The following AFG1L variants were observed in gnomAD, a reference collection of about 807,000 sequenced individuals.
AFG1L encodes the protein AFG1 like ATPase.
AFG1L carries 53 observed loss-of-function variants against 62.2 expected under a neutral mutation model. The ratio of observed to expected loss-of-function variants is 0.85; its 90% CI spans 0.68 to 1.07. The LOEUF (loss-of-function observed/expected upper bound fraction) is 1.07, where lower values mean the gene tolerates loss of function less well. Ranked by LOEUF, AFG1L falls within the 50% of genes least tolerant of loss-of-function variation. The pLI is 0.00. For synonymous variants in AFG1L, 228 were observed against 210.3 expected, an observed-to-expected ratio of 1.08 and a Z score of -0.73; for missense variants, 555 against 590.5, an observed-to-expected ratio of 0.94 and a Z score of 0.62.
At chr6:108,515,795 A>G (rs1469734066) in intron 11 of AFG1L, among the ~76,000 whole-genome samples, 1 of 152,094 alleles carries the variant, frequency 6.6e-6, no homozygotes, top group African/African-American at 2.4e-5. Flanking sequence ...TCAAATAGAC[A>G]CAATAAAAAA....
In AFG1L at chr6:108,525,518, G is replaced by A. The variant is rs1390934435; in HGVS notation, c.*3093G>A. On this transcript the variant is annotated 3_prime_UTR_variant, in exon 13 of 13. Coordinates refer to ENST00000368977, the MANE Select transcript of AFG1L (RefSeq NM_145315.5). ...TAATTTTAAAATTAGTTGGAATATT[G>A]AAAAAAATTAAAATTTCACTTGTAA... 2 of 151,968 alleles carry A rather than the reference G, an allele frequency of 1.3e-5. No individual in the cohort carries two copies. The highest frequency in any genetic ancestry group is 4.8e-5 in the African/African-American group (2 of 41,340). 9.4% of individuals were successfully genotyped at this position (151,968 alleles called of 1,614,324 possible). A position where few individuals can be genotyped will look rare whatever the true frequency, so the allele number is the denominator to read the frequency against.
At chr6:108,421,195 A>G (rs1041300787) in intron 7 of AFG1L, among the ~76,000 whole-genome samples, 1 of 152,196 alleles carries the variant, frequency 6.6e-6, no homozygotes, top group African/African-American at 2.4e-5. Context: ...GATTCCAACC[A>G]TGAAGAGATG....
chr6:108,360,180 A>C (rs1242064077), intron 5 of AFG1L, among the ~76,000 whole-genome samples: 1 of 152,170 alleles, frequency 6.6e-6, no homozygotes, highest in Non-Finnish European at 1.5e-5. Flanking sequence ...TCTGTTATAT[A>C]AGGTAGTGTC....
At position 108,415,877 on chromosome 6, in the gene AFG1L, A is replaced by G. The variant is rs192672412; in HGVS notation, c.807+13823A>G. ...AGGCATGGGCAAGGACTTCACGTCT[A>G]AAACACCAAAAGCAATGGCAACAGA... On this transcript the variant is annotated intron_variant, in intron 7 of 12. Transcript: ENST00000368977. Among the ~76,000 whole-genome samples, 980 of 152,356 alleles carry G rather than the reference A, an allele frequency of 6.4e-3. 10 individuals carry two copies. The highest frequency in any genetic ancestry group is 0.022 in the African/African-American group (935 of 41,584).
chr6:108,381,995 C>CTT (rs1227478281), intron 6 of AFG1L, among the ~76,000 whole-genome samples: 3,800 of 137,746 alleles, frequency 0.028, 158 homozygotes, highest in African/African-American at 0.095. Flanking sequence ...TTTTTATTCA[C>CTT]TGTTTTTTTT....
At chr6:108,472,857 C>T (rs933952396) in intron 8 of AFG1L, among the ~76,000 whole-genome samples, 2 of 149,798 alleles carry the variant, frequency 1.3e-5, no homozygotes, top group African/African-American at 4.9e-5. Flanking sequence ...AGGCTGGAGT[C>T]CAGTGGCATG....
intron 6 of AFG1L, among the ~76,000 whole-genome samples, chr6:108,395,186 G>A (rs962547041): frequency 6.6e-6 from 1 of 152,002 alleles, no homozygotes; most frequent in African/African-American, 2.4e-5. Flanking sequence ...ATGTTGTGAT[G>A]AATCTTTTCT....
intron 10 of AFG1L, among the ~76,000 whole-genome samples, chr6:108,509,898 C>T (rs1774573780): frequency 6.6e-6 from 1 of 152,214 alleles, no homozygotes; most frequent in Non-Finnish European, 1.5e-5. Flanking sequence ...TTTAGTGTCT[C>T]ATCTTTTGTA....
intron 7 of AFG1L, among the ~76,000 whole-genome samples, chr6:108,405,528 G>A (rs961656709): frequency 7.9e-5 from 12 of 151,980 alleles, no homozygotes; most frequent in African/African-American, 2.9e-4. Context: ...TGTATTTTTT[G>A]TAGAGACAGG....
chr6:108,386,331 C>T (rs992525953), intron 6 of AFG1L, among the ~76,000 whole-genome samples: 12 of 152,122 alleles, frequency 7.9e-5, no homozygotes, highest in African/African-American at 2.4e-4. Context: ...CATGGTGGCG[C>T]ATACCTGTAA....
chr6:108,448,427 T>C (rs1249409506), intron 8 of AFG1L, among the ~76,000 whole-genome samples: 1 of 152,170 alleles, frequency 6.6e-6, no homozygotes, highest in African/African-American at 2.4e-5. Flanking sequence ...ATGGTACCAA[T>C]GCATTAATTA....
intron 10 of AFG1L, among the ~76,000 whole-genome samples, chr6:108,482,312 C>T (rs140359989): frequency 6.6e-6 from 1 of 152,250 alleles, no homozygotes; most frequent in East Asian, 1.9e-4. Flanking sequence ...TCAGTTTCTA[C>T]ATTGCAACTA....
At chr6:108,314,848 CT>C (rs879271830) in intron 1 of AFG1L, among the ~76,000 whole-genome samples, 38 of 146,914 alleles carry the variant, frequency 2.6e-4, no homozygotes, top group South Asian at 8.6e-4. Context: ...AGTGCTTGTA[CT>C]TTTTTTTTTT....
At chr6:108,362,095 C>T (rs1031718832) in intron 5 of AFG1L, among the ~76,000 whole-genome samples, 5 of 152,096 alleles carry the variant, frequency 3.3e-5, no homozygotes, top group Admixed American at 6.6e-5. Context: ...AGTCCCACTC[C>T]CCTTACATAT....
chr6:108,521,684 C>T (rs1775130741), intron 12 of AFG1L: 2 of 152,214 alleles, frequency 1.3e-5, no homozygotes, highest in Admixed American at 1.3e-4. Context: ...GAGAAAAATT[C>T]CAAGCCCACT....
rs747434390 is a variant in AFG1L, at chr6:108,477,298, TATCC to T, written c.1062+8_1062+11del. The T allele has an allele frequency of 6.3e-7, 1 of 1,575,046 alleles. No individual in the cohort carries two copies. The highest frequency in any genetic ancestry group is 1.8e-5 in the Admixed American group (1 of 56,294). The stretch of plus-strand genomic sequence containing the variant: ...TTGAAGAGCTGTGTGAGAGAGTAAG[TATCC>T]AGGCACGTCCAGACTCACTGGCCTT... On this transcript the variant is annotated splice_region_variant and intron_variant, in intron 10 of 12. Transcript: ENST00000368977.
At chr6:108,516,520 C>T (rs1459209286) in intron 11 of AFG1L, among the ~76,000 whole-genome samples, 1 of 152,156 alleles carries the variant, frequency 6.6e-6, no homozygotes, top group East Asian at 1.9e-4. Context: ...TAAGAGCTAT[C>T]TATGACAAAC....
At chr6:108,358,921 A>G (rs1291775059) in intron 5 of AFG1L, among the ~76,000 whole-genome samples, 1 of 152,242 alleles carries the variant, frequency 6.6e-6, no homozygotes, top group Non-Finnish European at 1.5e-5. Context: ...TGCAAAGCAC[A>G]TGATCCTGAA....
Position 108,510,363 on chromosome 6 carries a change from A to C in AFG1L, c.1203+11A>C. On this transcript the variant is annotated intron_variant, in intron 11 of 12. Transcript: ENST00000368977. Reference sequence around the variant, plus strand: ...TTTTATGATCTCAAGGTAAGGATGTAGTACATTTTCTTAAAACTAAACACT... The same window carrying C: ...TTTTATGATCTCAAGGTAAGGATGTCGTACATTTTCTTAAAACTAAACACT... 1 of 1,593,600 alleles carries C rather than the reference A, an allele frequency of 6.3e-7. No homozygotes were observed. The highest frequency in any genetic ancestry group is 8.5e-7 in the Non-Finnish European group (1 of 1,172,658).
Sources: gnomAD v4.1 joint callset for allele counts (sites outside exome capture counted in the v4.1 genomes callset) on GRCh38, gnomAD v4.1.1 for gene constraint, MANE v1.5 for transcripts, NCBI Gene and HGNC (gene_info 2026-07-23, HGNC 2026-07-21) for gene names.